CORIN: variants seen among roughly 807,000 people sequenced by gnomAD.
The protein encoded by CORIN is corin, serine peptidase, also known as atrial natriuretic peptide-converting enzyme.
CORIN carries 117 observed loss-of-function variants against 125.3 expected under a neutral mutation model. That is an observed-to-expected ratio of 0.93 (90% confidence interval 0.80 to 1.09). The LOEUF is 1.09. CORIN is among the 50% of genes least tolerant of loss of function. The probability of loss-of-function intolerance (pLI) is 0.00; values close to 1 mark genes in which losing one functional copy is unlikely to be tolerated. For synonymous variants in CORIN, 450 were observed against 466.4 expected, an observed-to-expected ratio of 0.96 and a Z score of 0.45; for missense variants, 1,253 against 1,306.7, an observed-to-expected ratio of 0.96 and a Z score of 0.63.
intron 3 of CORIN, among the ~76,000 whole-genome samples, chr4:47,782,387 G>GAAAA (rs1265689215): frequency 8.2e-5 from 5 of 60,964 alleles, no homozygotes; most frequent in Non-Finnish European, 7.2e-5. Context: ...TCCATCTCAA[G>GAAAA]AAAAAAAAAA....
chr4:47,716,988 C>T (rs1415166082), intron 5 of CORIN, among the ~76,000 whole-genome samples: 1 of 151,820 alleles, frequency 6.6e-6, no homozygotes, highest in Non-Finnish European at 1.5e-5. Context: ...ATGTTACAAA[C>T]AAAATTTCTA....
At chr4:47,822,820 CTTT>C (rs1359423811) in intron 1 of CORIN, among the ~76,000 whole-genome samples, 2 of 142,678 alleles carry the variant, frequency 1.4e-5, no homozygotes. Context: ...CTTTCCATTT[CTTT>C]TTTTTTTTTT....
chr4:47,600,721 G>A (rs373850551), intron 20 of CORIN, among the ~76,000 whole-genome samples: 36 of 152,262 alleles, frequency 2.4e-4, no homozygotes, highest in African/African-American at 7.5e-4. Flanking sequence ...CCAGCTCGGC[G>A]TCAACTCAGC....
chr4:47,632,836 G>A (rs1247244549), intron 16 of CORIN, among the ~76,000 whole-genome samples: 4 of 151,708 alleles, frequency 2.6e-5, no homozygotes, highest in Non-Finnish European at 4.4e-5. Context: ...CTGGAGTGCA[G>A]TGGCGTGATC....
chr4:47,688,286 T>C (rs181756937), intron 6 of CORIN, among the ~76,000 whole-genome samples: 83 of 152,304 alleles, frequency 5.4e-4, no homozygotes, highest in African/African-American at 1.9e-3. Flanking sequence ...GTGATATTGC[T>C]TGTGTTATAC....
chr4:47,715,799 C>T (rs1727063546), intron 5 of CORIN, among the ~76,000 whole-genome samples: 2 of 152,150 alleles, frequency 1.3e-5, no homozygotes, highest in African/African-American at 4.8e-5. Context: ...TTCCTTTCCA[C>T]TGAGGATGAA....
intron 21 of CORIN, among the ~76,000 whole-genome samples, chr4:47,597,351 C>CAAA (rs11420411): frequency 3.4e-5 from 4 of 117,880 alleles, no homozygotes; most frequent in Non-Finnish European, 3.6e-5. Context: ...AACTCCATCT[C>CAAA]AAAAAAAAAA....
intron 19 of CORIN, among the ~76,000 whole-genome samples, chr4:47,613,295 A>C (rs1386878957): frequency 6.6e-6 from 1 of 152,174 alleles, no homozygotes; most frequent in Non-Finnish European, 1.5e-5. Context: ...TCTACTAAAA[A>C]TGCAAAAATT....
chr4:47,822,960 C>T (rs1319432154), intron 1 of CORIN, among the ~76,000 whole-genome samples: 7 of 152,064 alleles, frequency 4.6e-5, no homozygotes, highest in Non-Finnish European at 8.8e-5. Context: ...GGACTACAGG[C>T]GCGTGCCAAC....
Position 47,623,909 on chromosome 4 carries a change from A to G in CORIN, c.2355T>C (p.Cys785=). The change falls in exon 18 of 22, where the codon TGT becomes TGC. Residue 785 remains cysteine, a synonymous_variant. Transcript: ENST00000273857. ...CESRSKISLL[C]TKQDCGRRPA... Reference sequence around the variant, plus strand: ...CTCTAATTCTCTCACCTTGTTTAGTACACAGAAGAGAAATTTTACTTCTGC... The same window carrying G: ...CTCTAATTCTCTCACCTTGTTTAGTGCACAGAAGAGAAATTTTACTTCTGC... The G allele has an allele frequency of 6.2e-7, 1 of 1,613,870 alleles. No homozygotes were observed. The highest frequency in any genetic ancestry group is 8.5e-7 in the Non-Finnish European group (1 of 1,179,752).
intron 2 of CORIN, among the ~76,000 whole-genome samples, chr4:47,805,085 G>A (rs550206152): frequency 2.0e-5 from 3 of 146,830 alleles, no homozygotes; most frequent in East Asian, 2.0e-4. Flanking sequence ...GCAGTGAGCC[G>A]AGATCGCGCC....
intron 2 of CORIN, among the ~76,000 whole-genome samples, chr4:47,791,514 T>C (rs1425910838): frequency 6.6e-6 from 1 of 152,194 alleles, no homozygotes; most frequent in Non-Finnish European, 1.5e-5. Context: ...GTTCCCTCAC[T>C]ATAGGCATCA....
intron 5 of CORIN, among the ~76,000 whole-genome samples, chr4:47,730,472 C>CAA (rs71199996): frequency 5.4e-3 from 350 of 64,552 alleles, no homozygotes; most frequent in Middle Eastern, 8.1e-3. Context: ...GACTCCATCT[C>CAA]AAAAAAAAAA....
chr4:47,803,345 G>GA (rs1199778280), intron 2 of CORIN, among the ~76,000 whole-genome samples: 2 of 152,152 alleles, frequency 1.3e-5, no homozygotes, highest in South Asian at 4.1e-4. Flanking sequence ...CATAGAAATA[G>GA]AAAAAACAAT....
At chr4:47,799,717 A>G (rs1731455776) in intron 2 of CORIN, among the ~76,000 whole-genome samples, 1 of 152,204 alleles carries the variant, frequency 6.6e-6, no homozygotes, top group Non-Finnish European at 1.5e-5. Context: ...ATATAGGAGC[A>G]GTTACATAAG....
At chr4:47,722,101 T>G (rs1052554511) in intron 5 of CORIN, among the ~76,000 whole-genome samples, 3 of 152,350 alleles carry the variant, frequency 2.0e-5, no homozygotes, top group Admixed American at 6.5e-5. Flanking sequence ...TGCATATGAG[T>G]ACATGTATTC....
intron 7 of CORIN, 184 bp from the exon 8 acceptor site, chr4:47,680,435 C>CATG: frequency 1.8e-6 from 1 of 546,402 alleles, no homozygotes; most frequent in Non-Finnish European, 3.3e-6. Flanking sequence ...CCCCACTGAC[C>CATG]ACCATCACTG....
chr4:47,834,623 A>G (rs1225132602), intron 1 of CORIN, among the ~76,000 whole-genome samples: 1 of 152,188 alleles, frequency 6.6e-6, no homozygotes, highest in Non-Finnish European at 1.5e-5. Context: ...ACAAAATAAT[A>G]ATAACAATAA....
Position 47,595,595 on chromosome 4 carries a change from G to T in CORIN, c.*126C>A. 1 of 608,290 alleles carries T rather than the reference G, an allele frequency of 1.6e-6. No homozygotes were observed. The highest frequency in any genetic ancestry group is 3.9e-5 in the South Asian group (1 of 25,728). 37.7% of individuals were successfully genotyped at this position (608,290 alleles called of 1,614,324 possible). A position where few individuals can be genotyped will look rare whatever the true frequency, so the allele number is the denominator to read the frequency against. ...TCCAAAACAAACATGCAAATTTGCA[G>T]TGCACGATTGAGCATTTCTGTCCAT... On this transcript the variant is annotated 3_prime_UTR_variant, in exon 22 of 22. Transcript: ENST00000273857.
Sources: allele counts gnomAD v4.1 joint callset (sites outside exome capture counted in the v4.1 genomes callset), GRCh38; gene constraint gnomAD v4.1.1; transcripts MANE v1.5; gene names NCBI Gene and HGNC (gene_info 2026-07-23, HGNC 2026-07-21).